Variants in ZNF606 observed in about 807,000 individuals in gnomAD.
ZNF606 encodes the protein zinc finger protein 606.
ZNF606 carries 37 observed loss-of-function variants against 74.9 expected under a neutral mutation model. The observed-to-expected ratio is 0.49, with a 90% CI of 0.38 to 0.65. The LOEUF is 0.65. ZNF606 is among the 30% of genes least tolerant of loss of function. The pLI, the probability that ZNF606 is intolerant of heterozygous loss-of-function variation, is 0.00. For synonymous variants in ZNF606, 328 were observed against 312.4 expected, an observed-to-expected ratio of 1.05 and a Z score of -0.53; for missense variants, 852 against 952.9, an observed-to-expected ratio of 0.89 and a Z score of 1.39.
upstream of ZNF606, chr19:58,003,048 T>C (rs1295902729): frequency 9.6e-6 from 4 of 418,040 alleles, no homozygotes; most frequent in East Asian, 2.9e-4. Flanking sequence ...AAGGCCTGGG[T>C]AAGTCGCGGC....
rs377426318 is a variant in ZNF606, at chr19:57,999,876, C to A, written c.109G>T (p.Ala37Ser). ...ASWALCPQYP[A>S]WHVEGSLEEG... is the part of the protein sequence containing the mutation. ...TCCAGGCTTCCCTCCACGTGCCAGG[C>A]AGGATACTGAGGACACAGAGCTAGG... The change falls in exon 4 of 7, where the codon GCC becomes TCC. Residue 37 changes from alanine (A) to serine (S), a missense_variant. Transcript: ENST00000551380. 1 of 1,613,874 alleles carries A rather than the reference C, an allele frequency of 6.2e-7. No homozygotes were observed. The highest frequency in any genetic ancestry group is 8.5e-7 in the Non-Finnish European group (1 of 1,180,040).
Position 57,978,998 on chromosome 19 carries a change from G to A in ZNF606, c.1682C>T (p.Thr561Ile). The A allele has an allele frequency of 6.2e-7, 1 of 1,613,864 alleles. No individual in the cohort carries two copies. Among genetic ancestry groups the A allele is most frequent in the Non-Finnish European group, 8.5e-7 (1 of 1,179,954 alleles). The stretch of plus-strand genomic sequence containing the variant: ...TTTATATGGTTTTGCTCCAGAATGA[G>A]TTCTTTCATGTTTACTAAGGGCTGA... ...DYSALSKHER[T>I]HSGAKPYKCT... Residue 561 changes from threonine (T) to isoleucine (I), a missense_variant, in exon 7 of 7, where the codon ACT becomes ATT. Transcript: ENST00000551380. The surrounding 1 kb of genome is among the most constrained non-coding windows in gnomAD (Gnocchi z 4.4).
intron 6 of ZNF606, among the ~76,000 whole-genome samples, chr19:57,983,347 G>A (rs971213632): frequency 6.6e-6 from 1 of 152,138 alleles, no homozygotes; most frequent in Non-Finnish European, 1.5e-5. Context: ...AGCTGAGGCG[G>A]GTGGATTACC....
Position 57,978,293 on chromosome 19 carries a change from G to C in ZNF606, c.*8C>G. 2 of 1,543,724 alleles carry C rather than the reference G, an allele frequency of 1.3e-6. No homozygotes were observed. The highest frequency in any genetic ancestry group is 1.7e-6 in the Non-Finnish European group (2 of 1,145,736). On this transcript the variant is annotated 3_prime_UTR_variant, in exon 7 of 7. Transcript: ENST00000551380. The surrounding 1 kb of genome is among the most constrained non-coding windows in gnomAD (Gnocchi z 4.4). Reference sequence around the variant, plus strand: ...CAAATGTACAAGAAACGAAAAACTCGCATAAATTCAATTCAGTTTCTCTTC... The same window carrying C: ...CAAATGTACAAGAAACGAAAAACTCCCATAAATTCAATTCAGTTTCTCTTC...
chr19:57,982,924 A>G (rs997960041), intron 6 of ZNF606, among the ~76,000 whole-genome samples: 8 of 152,110 alleles, frequency 5.3e-5, no homozygotes, highest in African/African-American at 1.7e-4. Flanking sequence ...TGGGATTACA[A>G]ATGTGAACCC....
At chr19:58,000,263 C>T in intron 3 of ZNF606, 1 of 429,990 alleles carries the variant, frequency 2.3e-6, no homozygotes, top group Non-Finnish European at 4.1e-6. Context: ...GCTCTGTCGC[C>T]CAGGCTGGAG....
At chr19:58,001,170 T>C (rs1188521221) in intron 2 of ZNF606, 119 bp downstream of exon 2, 41 of 1,214,116 alleles carry the variant, frequency 3.4e-5, no homozygotes, top group Non-Finnish European at 4.7e-5. Context: ...TCTAATTTTG[T>C]ACCAAGATAG....
rs780497415 is a variant in ZNF606, at chr19:58,002,450, C to T, written c.-106G>A. ...GGCGGCGCAGCAGGATCGGGGTCTG[C>T]CCGCCTGGGGCGTTTGGCTTTTGTC... On this transcript the variant is annotated 5_prime_UTR_variant, in exon 1 of 7. Coordinates refer to ENST00000551380, the MANE Select transcript of ZNF606 (RefSeq NM_001348022.3). 2.2e-6 allele frequency: 1 copy of T among 455,374 alleles called. No homozygotes were observed. Among genetic ancestry groups the T allele is most frequent in the South Asian group, 1.6e-5 (1 of 64,438 alleles). The allele number at this position is 455,374 out of a possible 1,614,324, so 28.2% of individuals were successfully genotyped here. A position where few individuals can be genotyped will look rare whatever the true frequency, so the allele number is the denominator to read the frequency against.
chr19:58,001,206 T>C, intron 2 of ZNF606, 83 bp downstream of exon 2: 1 of 1,535,568 alleles, frequency 6.5e-7, no homozygotes, highest in South Asian at 1.1e-5. Flanking sequence ...TCCTCAAAAG[T>C]CCTCAGCCCA....
chr19:57,995,239 T>G (rs1600225723), intron 4 of ZNF606, among the ~76,000 whole-genome samples: 1 of 150,406 alleles, frequency 6.6e-6, no homozygotes, highest in Middle Eastern at 3.5e-3. Context: ...GGTACAATTC[T>G]GCTTCTAGGG....
At chr19:57,991,837 A>G (rs933253999) in intron 4 of ZNF606, among the ~76,000 whole-genome samples, 13 of 152,120 alleles carry the variant, frequency 8.5e-5, no homozygotes, top group Non-Finnish European at 1.8e-4. Context: ...GAAGTGCACA[A>G]AACCTATGCT....
chr19:57,979,248 G>T lies in ZNF606; in HGVS notation c.1432C>A (p.His478Asn). The T allele has an allele frequency of 6.2e-7, 1 of 1,613,782 alleles. No individual in the cohort carries two copies. ...NSHLIVHKRI[H>N]TGEKPYVCNE... ...CAAACATAAGGTTTTTCTCCTGTAT[G>T]AATTCTCTTATGTACAATAAGATGA... The change falls in exon 7 of 7, where the codon CAT becomes AAT. Residue 478 changes from histidine to asparagine, a missense_variant. Physicochemically the swap from His to Asn is moderately conservative, Grantham distance 68. Around this residue, in one of 3 missense-constraint regions of ZNF606, gnomAD observed 243 missense variants for 359.2 expected, o/e 0.68. Coordinates refer to ENST00000551380, the MANE Select transcript of ZNF606 (RefSeq NM_001348022.3).
Position 57,980,253 on chromosome 19 carries a change from C to T in ZNF606, c.427G>A (p.Ala143Thr). 6.2e-7 allele frequency: 1 copy of T among 1,609,440 alleles called. No individual in the cohort carries two copies. Among genetic ancestry groups the T allele is most frequent in the Non-Finnish European group, 8.5e-7 (1 of 1,178,158 alleles). ...AAAATGCTCTGTGCTGGGATCAATG[C>T]TTTGCTTTCAAGATTTCTCACCCAT... ...PEWVRNLESKALIPAQSIFEE... is the reference protein window; with the variant it reads ...PEWVRNLESKTLIPAQSIFEE... The change falls in exon 7 of 7, where the codon GCA becomes ACA. Residue 143 changes from alanine (A) to threonine (T), a missense_variant. Ala to Thr is a moderately conservative substitution (Grantham distance 58). Coordinates refer to ENST00000551380, the MANE Select transcript of ZNF606 (RefSeq NM_001348022.3).
chr19:58,003,279 C>T (rs1274097784), upstream of ZNF606: 8 of 456,640 alleles, frequency 1.8e-5, no homozygotes, highest in South Asian at 1.1e-4. Flanking sequence ...GGCTCGTTCC[C>T]AAGTCTCTTT....
rs1360209350 is a variant in ZNF606, at chr19:57,988,585, C to T, written c.304+10G>A. 2.1e-5 allele frequency: 34 copies of T among 1,611,014 alleles called. No individual in the cohort carries two copies. The highest frequency in any genetic ancestry group is 2.9e-5 in the Non-Finnish European group (34 of 1,178,112). On this transcript the variant is annotated intron_variant, in intron 5 of 6. Transcript: ENST00000551380. Reference sequence around the variant, plus strand: ...AACAGCTTCGTTTACTTGGGCAGCACCTGCCTTACCCACAGAGAGCAGGTG... The same window carrying T: ...AACAGCTTCGTTTACTTGGGCAGCATCTGCCTTACCCACAGAGAGCAGGTG...
intron 4 of ZNF606, among the ~76,000 whole-genome samples, chr19:57,992,951 C>T (rs1348725103): frequency 6.6e-6 from 1 of 152,202 alleles, no homozygotes; most frequent in Non-Finnish European, 1.5e-5. Context: ...AGGAACTTTA[C>T]AGATATAATT....
At chr19:57,983,202 G>A (rs2073112999) in intron 6 of ZNF606, among the ~76,000 whole-genome samples, 1 of 152,172 alleles carries the variant, frequency 6.6e-6, no homozygotes, top group Non-Finnish European at 1.5e-5. Context: ...CCAGAGACAA[G>A]GCAAGAAAGT....
Position 57,979,674 on chromosome 19 carries a change from G to T in ZNF606, c.1006C>A (p.Pro336Thr). Residue 336 changes from proline to threonine, a missense_variant, in exon 7 of 7, where the codon CCA becomes ACA. Around this residue, in one of 3 missense-constraint regions of ZNF606, gnomAD observed 545 missense variants for 542.5 expected, o/e 1.00. Transcript: ENST00000551380. ...FNQSPSFNEH[P>T]RLHVGENQYN... is the part of the protein sequence containing the mutation. ...TGGTTTTCTCCAACATGAAGCCTTGGGTGTTCATTAAATGATGGGCTCTGG... is the reference window on the plus strand; with the variant it reads ...TGGTTTTCTCCAACATGAAGCCTTGTGTGTTCATTAAATGATGGGCTCTGG... The T allele has an allele frequency of 6.2e-7, 1 of 1,613,532 alleles. No homozygotes were observed. The highest frequency in any genetic ancestry group is 8.5e-7 in the Non-Finnish European group (1 of 1,179,930).
At chr19:57,987,767 G>GGC (rs970878292) in intron 6 of ZNF606, among the ~76,000 whole-genome samples, 1 of 152,192 alleles carries the variant, frequency 6.6e-6, no homozygotes, top group Non-Finnish European at 1.5e-5. Flanking sequence ...GGCAGAGGTT[G>GGC]CAGTGAGCCG....
Sources: allele counts gnomAD v4.1 joint callset (sites outside exome capture counted in the v4.1 genomes callset), GRCh38; gene constraint gnomAD v4.1.1; regional missense constraint gnomAD v4.1.1; non-coding constraint Gnocchi (gnomAD v3.1); transcripts MANE v1.5; gene names NCBI Gene and HGNC (gene_info 2026-07-23, HGNC 2026-07-21).